Variants in LRRC4C observed in about 807,000 individuals in gnomAD.
LRRC4C encodes leucine rich repeat containing 4C.
LRRC4C carries 5 observed loss-of-function variants against 33.6 expected under a neutral mutation model. The ratio of observed to expected loss-of-function variants is 0.15; its 90% CI spans 0.08 to 0.31. The LOEUF is 0.31. Ranked by LOEUF, LRRC4C falls within the 10% of genes least tolerant of loss-of-function variation. The pLI is 1.00. For synonymous variants in LRRC4C, 329 were observed against 302.0 expected (o/e 1.09, Z -0.93); for missense variants, 560 against 796.7 (o/e 0.70, Z 3.58).
intron 3 of LRRC4C, among the ~76,000 whole-genome samples, chr11:40,621,802 TTG>T (rs869143626): frequency 9.5e-6 from 1 of 105,290 alleles, no homozygotes; most frequent in Non-Finnish European, 2.2e-5. Flanking sequence ...CCAGGTATTG[TTG>T]TTTTTTCTCA....
chr11:40,496,592 A>G (rs572429425), intron 3 of LRRC4C, among the ~76,000 whole-genome samples: 2 of 152,288 alleles, frequency 1.3e-5, no homozygotes, highest in East Asian at 3.9e-4. Context: ...AAAATATACC[A>G]GAAAGAAGCA....
chr11:41,105,232 C>T (rs1941426123), intron 1 of LRRC4C, among the ~76,000 whole-genome samples: 1 of 151,954 alleles, frequency 6.6e-6, no homozygotes, highest in Non-Finnish European at 1.5e-5. Context: ...TCTTGATGAT[C>T]AGCTTGCTTG....
intron 5 of LRRC4C, among the ~76,000 whole-genome samples, chr11:40,157,309 A>G (rs1858780735): frequency 6.6e-6 from 1 of 152,204 alleles, no homozygotes; most frequent in African/African-American, 2.4e-5. Context: ...TAAAAATTCT[A>G]GAAGACAACA....
intron 1 of LRRC4C, among the ~76,000 whole-genome samples, chr11:41,272,165 A>G (rs1003992544): frequency 1.3e-5 from 2 of 152,162 alleles, no homozygotes; most frequent in African/African-American, 2.4e-5. Context: ...TTTTTTAGTC[A>G]AACCCCTTTC....
intron 3 of LRRC4C, among the ~76,000 whole-genome samples, chr11:40,593,161 T>C (rs1959136034): frequency 6.6e-6 from 1 of 152,290 alleles, no homozygotes; most frequent in South Asian, 2.1e-4. Context: ...AGAGATGCTA[T>C]GTAAATACAT....
chr11:41,080,662 C>T (rs528861432), intron 1 of LRRC4C, among the ~76,000 whole-genome samples: 1 of 152,028 alleles, frequency 6.6e-6, no homozygotes, highest in African/African-American at 2.4e-5. Context: ...CTATCAGAAT[C>T]TTTTCTATTG....
intron 2 of LRRC4C, among the ~76,000 whole-genome samples, chr11:40,715,166 C>T (rs1326383263): frequency 6.6e-6 from 1 of 152,106 alleles, no homozygotes; most frequent in Admixed American, 6.5e-5. Flanking sequence ...GATACATATG[C>T]TACTCTCAGA....
Position 40,151,603 on chromosome 11 carries a change from G to A in LRRC4C, c.-95-10750C>T, listed in dbSNP as rs148746912. On this transcript the variant is annotated intron_variant, in intron 5 of 6. Transcript: ENST00000528697. ...GCCTTAAATTGTTCTGAAGTAGTTC[G>A]CGGAAGGTAGAGACAAAAAATGGAA... 1.6e-3 allele frequency among the ~76,000 whole-genome samples: 239 copies of A among 152,222 alleles called. 2 individuals carry two copies. Among genetic ancestry groups the A allele is most frequent in the Admixed American group, 7.8e-3 (119 of 15,284 alleles).
At chr11:40,701,962 C>G (rs536105213) in intron 2 of LRRC4C, among the ~76,000 whole-genome samples, 1 of 151,854 alleles carries the variant, frequency 6.6e-6, no homozygotes, top group South Asian at 2.1e-4. Context: ...GACAAGATAA[C>G]TGTATAATAG....
chr11:40,616,537 T>G (rs1465918590), intron 3 of LRRC4C, among the ~76,000 whole-genome samples: 1 of 151,704 alleles, frequency 6.6e-6, no homozygotes, highest in African/African-American at 2.4e-5. Flanking sequence ...TAGACTGGAT[T>G]AAGAAAATGT....
At chr11:40,199,974 G>A (rs748281472) in intron 5 of LRRC4C, among the ~76,000 whole-genome samples, 5 of 151,838 alleles carry the variant, frequency 3.3e-5, no homozygotes, top group Non-Finnish European at 7.4e-5. Flanking sequence ...GAGAAAACTC[G>A]GAACTCAGGA....
In LRRC4C at chr11:41,307,390, C is replaced by G. The variant is rs141156718; in HGVS notation, c.-496+152041G>C. 2.7e-3 allele frequency among the ~76,000 whole-genome samples: 406 copies of G among 152,272 alleles called. 1 individual carries two copies. The highest frequency in any genetic ancestry group is 4.9e-3 in the Non-Finnish European group (331 of 68,020). On this transcript the variant is annotated intron_variant, in intron 1 of 6. Transcript: ENST00000528697. Reference sequence around the variant, plus strand: ...TCTTGTCTTCCATAGTGGAAGAAGTCAAGCCCCAGGGACCCTCCCCCTGCC... The same window carrying G: ...TCTTGTCTTCCATAGTGGAAGAAGTGAAGCCCCAGGGACCCTCCCCCTGCC...
At chr11:41,225,534 C>T (rs1012403483) in intron 1 of LRRC4C, among the ~76,000 whole-genome samples, 8 of 152,112 alleles carry the variant, frequency 5.3e-5, no homozygotes, top group African/African-American at 1.7e-4. Flanking sequence ...CCCAATGGCT[C>T]ACACCTGTAA....
intron 3 of LRRC4C, among the ~76,000 whole-genome samples, chr11:40,600,849 A>G (rs142421808): frequency 7.0e-6 from 1 of 142,044 alleles, no homozygotes; most frequent in Non-Finnish European, 1.5e-5. Context: ...TTAAATTTTC[A>G]GGAACATATC....
intron 1 of LRRC4C, among the ~76,000 whole-genome samples, chr11:41,210,254 G>A (rs1946766995): frequency 6.6e-6 from 1 of 152,164 alleles, no homozygotes; most frequent in Admixed American, 6.5e-5. Flanking sequence ...ATCTTGAATT[G>A]TAGCTCTCAT....
In LRRC4C at chr11:40,591,722, G is replaced by A. The variant is rs1329721048; in HGVS notation, c.-270+56420C>T. Among the ~76,000 whole-genome samples the A allele has an allele frequency of 2.0e-5, 3 of 152,188 alleles. No homozygotes were observed. The East Asian group carries it at 5.8e-4, about 29-fold the overall frequency. On this transcript the variant is annotated intron_variant, in intron 3 of 6. Coordinates refer to ENST00000528697, the MANE Select transcript of LRRC4C (RefSeq NM_001258419.2). The stretch of plus-strand genomic sequence containing the variant: ...TCCTTGAGTAGACAAAGGCAGTTAT[G>A]CCTCATTAGTGACCTTAACCTTGCT...
At chr11:40,980,218 A>C (rs998127785) in intron 1 of LRRC4C, among the ~76,000 whole-genome samples, 25 of 152,200 alleles carry the variant, frequency 1.6e-4, no homozygotes, top group African/African-American at 6.0e-4. Context: ...GAATGCCATC[A>C]GTTTCCTTCA....
chr11:40,946,451 A>G (rs1453181929), intron 1 of LRRC4C, among the ~76,000 whole-genome samples: 2 of 152,196 alleles, frequency 1.3e-5, no homozygotes, highest in East Asian at 3.8e-4. Flanking sequence ...ATATATACCC[A>G]GTAATGGGAT....
intron 3 of LRRC4C, among the ~76,000 whole-genome samples, chr11:40,574,150 A>T (rs1591148965): frequency 6.6e-6 from 1 of 152,230 alleles, no homozygotes; most frequent in African/African-American, 2.4e-5. Flanking sequence ...ATGTATTTCA[A>T]TTGATTCTCC....
Sources: allele counts gnomAD v4.1 joint callset (sites outside exome capture counted in the v4.1 genomes callset), GRCh38; gene constraint gnomAD v4.1.1; transcripts MANE v1.5; gene names NCBI Gene and HGNC (gene_info 2026-07-23, HGNC 2026-07-21).